The following KIRREL3 variants were observed in gnomAD, a reference collection of about 807,000 sequenced individuals.
KIRREL3 encodes the protein kirre like nephrin family adhesion molecule 3.
KIRREL3 carries 36 observed loss-of-function variants against 89.7 expected under a neutral mutation model. The ratio of observed to expected loss-of-function variants is 0.40; its 90% CI spans 0.31 to 0.53. KIRREL3 has a LOEUF of 0.53. KIRREL3 is among the 20% of genes least tolerant of loss of function. The probability of loss-of-function intolerance (pLI) is 0.49; values close to 1 mark genes in which losing one functional copy is unlikely to be tolerated. For synonymous variants in KIRREL3, 445 were observed against 441.4 expected, an observed-to-expected ratio of 1.01 and a Z score of -0.10; for missense variants, 864 against 1,056.6, an observed-to-expected ratio of 0.82 and a Z score of 2.53.
rs1337422775 is a variant in KIRREL3 at position 126,734,593 on chromosome 11, G to A, written c.56-171681C>T. Among the ~76,000 whole-genome samples the A allele has an allele frequency of 6.6e-6, 1 of 152,100 alleles. No individual in the cohort carries two copies. The highest frequency in any genetic ancestry group is 6.6e-5 in the Admixed American group (1 of 15,264). ...CAAGAGAATCACTTGAACCTGGGAAGCGGAGGTTGCAGTGAGCCGAGATGT... is the reference window on the plus strand; with the variant it reads ...CAAGAGAATCACTTGAACCTGGGAAACGGAGGTTGCAGTGAGCCGAGATGT... On this transcript the variant is annotated intron_variant, in intron 1 of 16. Coordinates refer to ENST00000525144, the MANE Select transcript of KIRREL3 (RefSeq NM_032531.4). The surrounding 1 kb of genome is among the most constrained non-coding windows in gnomAD (Gnocchi z 5.9).
At position 126,500,601 on chromosome 11, in the gene KIRREL3, G is replaced by A. The variant is rs555899648; in HGVS notation, c.433+20714C>T. ...CAAAAAGTACAAAAATTAGCTGGGC[G>A]TGGTGGCGGGCACCTGTAATCCCAG... On this transcript the variant is annotated intron_variant, in intron 4 of 16. Transcript: ENST00000525144. Among the ~76,000 whole-genome samples, 24 of 152,226 alleles carry A rather than the reference G, an allele frequency of 1.6e-4. No individual in the cohort carries two copies. The South Asian group carries it at 3.1e-3, about 20-fold the overall frequency.
At position 126,523,228 on chromosome 11, in the gene KIRREL3, C is replaced by G. The variant is rs1009700994; in HGVS notation, c.284-1764G>C. Among the ~76,000 whole-genome samples, 1 of 152,046 alleles carries G rather than the reference C, an allele frequency of 6.6e-6. No homozygotes were observed. Among genetic ancestry groups the G allele is most frequent in the Non-Finnish European group, 1.5e-5 (1 of 68,010 alleles). On this transcript the variant is annotated intron_variant, in intron 3 of 16. Transcript: ENST00000525144. This position sits in a 1 kb window ranked among gnomAD's most constrained non-coding sequence, Gnocchi z 4.9. Reference sequence around the variant, plus strand: ...TGTATTCAAGCAGAGGTTGGATGATCGCCTCTCAGGGATGTTGCAGAGGTG... The same window carrying G: ...TGTATTCAAGCAGAGGTTGGATGATGGCCTCTCAGGGATGTTGCAGAGGTG...
chr11:126,517,629 A>T (rs1958461365), intron 4 of KIRREL3, among the ~76,000 whole-genome samples: 1 of 152,118 alleles, frequency 6.6e-6, no homozygotes, highest in Non-Finnish European at 1.5e-5. Flanking sequence ...AAGCCACCCT[A>T]ATCAGTTTTC....
Position 126,521,893 on chromosome 11 carries a change from C to T in KIRREL3, c.284-429G>A, listed in dbSNP as rs950458492. 6.6e-6 allele frequency among the ~76,000 whole-genome samples: 1 copy of T among 152,038 alleles called. No individual in the cohort carries two copies. Among genetic ancestry groups the T allele is most frequent in the Non-Finnish European group, 1.5e-5 (1 of 68,020 alleles). ...CCAAGTAGCTGGGACTACAGACATG[C>T]ACCACCACGTCGGCTAATTTTTTTA... On this transcript the variant is annotated intron_variant, in intron 3 of 16. Coordinates refer to ENST00000525144, the MANE Select transcript of KIRREL3 (RefSeq NM_032531.4). The surrounding 1 kb of genome is among the most constrained non-coding windows in gnomAD (Gnocchi z 4.1).
rs1038440093 is a variant in KIRREL3 at position 126,921,289 on chromosome 11, G to T, written c.55+79166C>A. ...TGGGCATGGACTGAGCCACATTGCC[G>T]GCTATCCTGGGTCTCCACCTTGCAG... On this transcript the variant is annotated intron_variant, in intron 1 of 16. Transcript: ENST00000525144. Among the ~76,000 whole-genome samples the T allele has an allele frequency of 2.0e-5, 3 of 152,266 alleles. No homozygotes were observed. The East Asian group carries it at 5.8e-4, about 29-fold the overall frequency.
chr11:126,466,975 A>G (rs958006657), intron 5 of KIRREL3, among the ~76,000 whole-genome samples: 2 of 152,240 alleles, frequency 1.3e-5, no homozygotes, highest in African/African-American at 2.4e-5. Flanking sequence ...CAGGTTGCCC[A>G]TGTGACTGCC....
Position 126,981,506 on chromosome 11 carries a change from C to A in KIRREL3, c.55+18949G>T, listed in dbSNP as rs569134490. ...ACCTTCCTAAGTCACTAAGGAAGAG[C>A]TAAACACATGGTCCCTGTTTCACTG... is the stretch of plus-strand genomic sequence containing the variant. On this transcript the variant is annotated intron_variant, in intron 1 of 16. Transcript: ENST00000525144. The surrounding 1 kb of genome is among the most constrained non-coding windows in gnomAD (Gnocchi z 4.2). Among the ~76,000 whole-genome samples, 24 of 152,318 alleles carry A rather than the reference C, an allele frequency of 1.6e-4. No individual in the cohort carries two copies. The highest frequency in any genetic ancestry group is 5.8e-4 in the African/African-American group (24 of 41,570).
chr11:126,834,620 C>T (rs1943717843), intron 1 of KIRREL3, among the ~76,000 whole-genome samples: 1 of 152,240 alleles, frequency 6.6e-6, no homozygotes, highest in Admixed American at 6.5e-5. Flanking sequence ...GTTTGAAATT[C>T]TGACGTCTAA....
At position 126,435,178 on chromosome 11, in the gene KIRREL3, C is replaced by T. The variant is rs527593947; in HGVS notation, c.1588+90G>A. 8.0e-4 allele frequency: 1,090 copies of T among 1,363,136 alleles called. 1 individual carries two copies. In the African/African-American group the frequency reaches 8.5e-3, roughly 11 times the overall value. The allele number at this position is 1,363,136 out of a possible 1,614,324, so 84.4% of individuals were successfully genotyped here. ...CGGAGACACTAGCGGCCAGCACAGG[C>T]CTCCCTACCCCCTGCTGGGTTCCCT... is the stretch of plus-strand genomic sequence containing the variant. On this transcript the variant is annotated intron_variant, in intron 13 of 16. Coordinates refer to ENST00000525144, the MANE Select transcript of KIRREL3 (RefSeq NM_032531.4).
At chr11:126,597,744 G>T (rs1942467343) in intron 1 of KIRREL3, among the ~76,000 whole-genome samples, 2 of 152,218 alleles carry the variant, frequency 1.3e-5, no homozygotes, top group African/African-American at 2.4e-5. Flanking sequence ...AATAAAAGTT[G>T]ATAGCAATGG....
chr11:126,746,420 T>C (rs1035270565), intron 1 of KIRREL3, among the ~76,000 whole-genome samples: 5 of 152,178 alleles, frequency 3.3e-5, no homozygotes, highest in African/African-American at 1.2e-4. Flanking sequence ...TGGCAATACA[T>C]TGAGACTCCC....
chr11:126,848,872 A>G (rs889799455), intron 1 of KIRREL3, among the ~76,000 whole-genome samples: 1 of 152,218 alleles, frequency 6.6e-6, no homozygotes, highest in Non-Finnish European at 1.5e-5. Flanking sequence ...TGGCAAAAAT[A>G]TCATCACCTC....
rs1957529216 is a variant in KIRREL3 at position 126,491,969 on chromosome 11, T to C, written c.434-18503A>G. Among the ~76,000 whole-genome samples, 1 of 152,168 alleles carries C rather than the reference T, an allele frequency of 6.6e-6. No homozygotes were observed. On this transcript the variant is annotated intron_variant, in intron 4 of 16. Transcript: ENST00000525144. The surrounding 1 kb of genome is among the most constrained non-coding windows in gnomAD (Gnocchi z 5.5). Reference sequence around the variant, plus strand: ...CTCCCGCATCAGCTTCCCAAAGTGCTAGGATTACAGGTGTGAGCCACCACG... The same window carrying C: ...CTCCCGCATCAGCTTCCCAAAGTGCCAGGATTACAGGTGTGAGCCACCACG...
chr11:126,844,981 C>A lies in KIRREL3; in HGVS notation c.55+155474G>T, dbSNP rs1171749460. Reference sequence around the variant, plus strand: ...CTTCCCCACCCTGCTGTGCACAATGCTTTTTTCTCTTTCTCTTTTTGATCT... The same window carrying A: ...CTTCCCCACCCTGCTGTGCACAATGATTTTTTCTCTTTCTCTTTTTGATCT... On this transcript the variant is annotated intron_variant, in intron 1 of 16. Transcript: ENST00000525144. This position sits in a 1 kb window ranked among gnomAD's most constrained non-coding sequence, Gnocchi z 4.8. Among the ~76,000 whole-genome samples the A allele has an allele frequency of 6.6e-5, 10 of 152,090 alleles. No homozygotes were observed. Among genetic ancestry groups the A allele is most frequent in the Non-Finnish European group, 2.9e-5 (2 of 68,020 alleles).
chr11:126,650,076 C>T (rs1426678778), intron 1 of KIRREL3, among the ~76,000 whole-genome samples: 1 of 152,232 alleles, frequency 6.6e-6, no homozygotes, highest in Non-Finnish European at 1.5e-5. Flanking sequence ...CTGAGCTCTA[C>T]ATTGGCCCCT....
chr11:126,806,835 C>T (rs73024532), intron 1 of KIRREL3, among the ~76,000 whole-genome samples: 40,589 of 151,226 alleles, frequency 0.27, 5,461 homozygotes, highest in Admixed American at 0.31. Flanking sequence ...CCTCCCCTTG[C>T]CCCCCACCCC....
chr11:126,772,025 G>A lies in KIRREL3; in HGVS notation c.56-209113C>T, dbSNP rs1289725613. On this transcript the variant is annotated intron_variant, in intron 1 of 16. Transcript: ENST00000525144. This position sits in a 1 kb window ranked among gnomAD's most constrained non-coding sequence, Gnocchi z 4.6. ...TCTGAGGTAGAGGAGAGGAGGCACT[G>A]TCGGGAAACCATGACCTTTCCACCT... Among the ~76,000 whole-genome samples, 1 of 152,212 alleles carries A rather than the reference G, an allele frequency of 6.6e-6. No homozygotes were observed. Among genetic ancestry groups the A allele is most frequent in the African/African-American group, 2.4e-5 (1 of 41,458 alleles).
intron 1 of KIRREL3, among the ~76,000 whole-genome samples, chr11:126,829,184 G>A (rs1943518845): frequency 6.6e-6 from 1 of 152,194 alleles, no homozygotes; most frequent in Non-Finnish European, 1.5e-5. Flanking sequence ...AGGAGGAGGA[G>A]AGCCTGAGCT....
At chr11:126,938,841 G>A (rs1476971390) in intron 1 of KIRREL3, among the ~76,000 whole-genome samples, 7 of 152,186 alleles carry the variant, frequency 4.6e-5, no homozygotes, top group African/African-American at 7.2e-5. Context: ...GGATATGTGA[G>A]ATCAGCTTTC....
Sources: allele counts gnomAD v4.1 joint callset (sites outside exome capture counted in the v4.1 genomes callset), GRCh38; gene constraint gnomAD v4.1.1; non-coding constraint Gnocchi (gnomAD v3.1); transcripts MANE v1.5; gene names NCBI Gene and HGNC (gene_info 2026-07-23, HGNC 2026-07-21).